The following PIR variants were observed in gnomAD, a reference collection of about 807,000 sequenced individuals.
PIR encodes the protein pirin.
PIR carries 22 observed loss-of-function variants against 24.2 expected under a neutral mutation model. That is an observed-to-expected ratio of 0.91 (90% CI 0.65 to 1.30). The LOEUF (loss-of-function observed/expected upper bound fraction) is 1.30, where lower values mean the gene tolerates loss of function less well. Ranked by LOEUF, PIR falls within the 50% of genes most tolerant of loss-of-function variation. The pLI, the probability that PIR is intolerant of heterozygous loss-of-function variation, is 0.00. For synonymous variants in PIR, 80 were observed against 79.6 expected, an observed-to-expected ratio of 1.00 and a Z score of -0.03; for missense variants, 220 against 220.3, an observed-to-expected ratio of 1.00 and a Z score of 0.01.
Position 15,455,943 on chromosome X carries a change from G to T in PIR, c.385C>A (p.Pro129Thr). ...NLRSSEKMVEPQYQELKSEEI... is the reference protein window; with the variant it reads ...NLRSSEKMVETQYQELKSEEI... Reference sequence around the variant, plus strand: ...TCACTTTTCAGTTCCTGGTACTGAGGCTCCACCATCTTCTCTGAGCTCCTC... The same window carrying T: ...TCACTTTTCAGTTCCTGGTACTGAGTCTCCACCATCTTCTCTGAGCTCCTC... The change falls in exon 5 of 10, where the codon CCT (proline) becomes ACT (threonine). Residue 129 changes from proline to threonine, a missense_variant. Physicochemically the swap from Pro to Thr is conservative, Grantham distance 38 (BLOSUM62 -1). Coordinates refer to ENST00000380420, the MANE Select transcript of PIR (RefSeq NM_001018109.3). 8.3e-7 allele frequency: 1 copy of T among 1,208,191 alleles called. No individual in the cohort carries two copies. The highest frequency in any genetic ancestry group is 1.1e-6 in the Non-Finnish European group (1 of 892,096).
intron 9 of PIR, 29 bp downstream of exon 9, chrX:15,390,156 C>T (rs746135422): frequency 2.2e-6 from 2 of 921,484 alleles, no homozygotes; most frequent in African/African-American, 2.0e-5. Context: ...GAAAATCAAC[C>T]AAGAAAATCA....
At chrX:15,412,118 C>T (rs753615098) in intron 6 of PIR, among the ~76,000 whole-genome samples, 1 of 112,337 alleles carries the variant, frequency 8.9e-6, no homozygotes, top group East Asian at 2.8e-4. Context: ...TACAATGCTA[C>T]TATCTATGTA....
chrX:15,450,483 T>G (rs1047190954), intron 5 of PIR, among the ~76,000 whole-genome samples: 1 of 111,736 alleles, frequency 8.9e-6, no homozygotes, highest in Non-Finnish European at 1.9e-5. Flanking sequence ...ATAGTTTTTT[T>G]TTAATGCTAC....
intron 7 of PIR, among the ~76,000 whole-genome samples, chrX:15,400,430 G>A (rs932347203): frequency 3.6e-5 from 4 of 111,745 alleles, no homozygotes; most frequent in South Asian, 3.7e-4. Flanking sequence ...AGGATGTTTC[G>A]TGATACATAT....
chrX:15,390,892 C>T (rs896781328), intron 8 of PIR, among the ~76,000 whole-genome samples: 2 of 111,405 alleles, frequency 1.8e-5, no homozygotes, highest in African/African-American at 6.5e-5. Flanking sequence ...AATACACTTT[C>T]ATATATCGTT....
intron 6 of PIR, among the ~76,000 whole-genome samples, chrX:15,408,475 G>A (rs760381403): frequency 1.0e-3 from 112 of 111,798 alleles, no homozygotes; most frequent in Non-Finnish European, 1.8e-3. Flanking sequence ...TGGAAAGAGA[G>A]TATATAGAAT....
intron 1 of PIR, among the ~76,000 whole-genome samples, chrX:15,492,694 A>C (rs747623285): frequency 9.0e-6 from 1 of 111,671 alleles, no homozygotes; most frequent in African/African-American, 3.3e-5. Flanking sequence ...AAGACCGCCT[A>C]CCTCAAAGGG....
chrX:15,463,000 A>C (rs1357686255), intron 3 of PIR, among the ~76,000 whole-genome samples: 1 of 111,815 alleles, frequency 8.9e-6, no homozygotes, highest in African/African-American at 3.3e-5. Flanking sequence ...AGTTGAAAGT[A>C]GAAATTGAGT....
At chrX:15,466,549 G>T (rs1278583799) in intron 3 of PIR, among the ~76,000 whole-genome samples, 1 of 111,994 alleles carries the variant, frequency 8.9e-6, no homozygotes, top group Non-Finnish European at 1.9e-5. Context: ...GGTATGCAGG[G>T]TGAAGTCCCT....
At chrX:15,436,111 T>C (rs1412253652) in intron 5 of PIR, among the ~76,000 whole-genome samples, 1 of 112,039 alleles carries the variant, frequency 8.9e-6, no homozygotes, top group Non-Finnish European at 1.9e-5. Flanking sequence ...GGGTGGGAGT[T>C]AGAGAGGGCC....
intron 6 of PIR, among the ~76,000 whole-genome samples, chrX:15,411,448 G>C (rs1487866284): frequency 3.6e-5 from 4 of 111,069 alleles, no homozygotes; most frequent in Non-Finnish European, 7.5e-5. Flanking sequence ...TTTTCCTTCT[G>C]CCTCAGTCTT....
chrX:15,428,760 C>T (rs112915562), intron 5 of PIR, among the ~76,000 whole-genome samples: 6,112 of 111,438 alleles, frequency 0.055, 436 homozygotes, highest in African/African-American at 0.19. Context: ...CTGCCCGCCT[C>T]GGCTTCCCAA....
chrX:15,465,865 C>CT (rs1302082546), intron 3 of PIR, among the ~76,000 whole-genome samples: 1 of 111,842 alleles, frequency 8.9e-6, no homozygotes. Context: ...TTCTTTCTGG[C>CT]TGGTATTTAG....
At chrX:15,397,032 G>A (rs887425708) in intron 8 of PIR, among the ~76,000 whole-genome samples, 26 of 112,429 alleles carry the variant, frequency 2.3e-4, no homozygotes, top group Middle Eastern at 4.6e-3. Context: ...GAGCCACCAC[G>A]CCCGGCCAAG....
At chrX:15,457,082 G>T (rs924540986) in intron 4 of PIR, among the ~76,000 whole-genome samples, 1 of 112,156 alleles carries the variant, frequency 8.9e-6, no homozygotes, top group African/African-American at 3.2e-5. Context: ...AAGCCAAAAA[G>T]AGTTGTTAAT....
At chrX:15,437,241 T>C (rs987382270) in intron 5 of PIR, among the ~76,000 whole-genome samples, 8 of 111,597 alleles carry the variant, frequency 7.2e-5, no homozygotes, top group African/African-American at 9.8e-5. Flanking sequence ...AGTGGTGGAG[T>C]TGGAGAGCTT....
chrX:15,434,195 AAG>A (rs1925660772), intron 5 of PIR, among the ~76,000 whole-genome samples: 1 of 91,605 alleles, frequency 1.1e-5, no homozygotes, highest in Non-Finnish European at 2.1e-5. Context: ...AGGAAGGAGA[AAG>A]AAGAAGGAGG....
intron 8 of PIR, among the ~76,000 whole-genome samples, chrX:15,396,271 G>A (rs1924132881): frequency 9.0e-6 from 1 of 111,369 alleles, no homozygotes; most frequent in African/African-American, 3.3e-5. Context: ...GTGCTCATCA[G>A]GTTTTTCTTC....
At chrX:15,398,110 G>C (rs374981665) in intron 7 of PIR, among the ~76,000 whole-genome samples, 58 of 108,572 alleles carry the variant, frequency 5.3e-4, no homozygotes, top group African/African-American at 1.7e-3. Context: ...GGTGGGGGTA[G>C]GGGGGAGGGA....
Sources: allele counts gnomAD v4.1 joint callset (sites outside exome capture counted in the v4.1 genomes callset), GRCh38; gene constraint gnomAD v4.1.1; transcripts MANE v1.5; gene names NCBI Gene and HGNC (gene_info 2026-07-23, HGNC 2026-07-21).